The following MYBPC2 variants were observed in gnomAD, a reference collection of about 807,000 sequenced individuals.
MYBPC2 encodes myosin-binding protein C, fast-type.
MYBPC2 carries 122 observed loss-of-function variants against 137.0 expected under a neutral mutation model. The observed-to-expected ratio is 0.89, with a 90% CI of 0.77 to 1.03. The LOEUF (loss-of-function observed/expected upper bound fraction) is 1.03. MYBPC2 is among the 50% of genes least tolerant of loss of function. The pLI is 0.00. For synonymous variants in MYBPC2, 626 were observed against 612.3 expected (o/e 1.02, Z -0.33); for missense variants, 1,500 against 1,534.4 (o/e 0.98, Z 0.37).
In MYBPC2 at chr19:50,450,886, T is replaced by C; in HGVS notation, c.1530T>C (p.Phe510=). ...CCGAGGATGAGGGAGACTACACGTT[T>C]GTGCCTGACGGCTACGCCCTGTCGC... ...VRPEDEGDYT[F]VPDGYALSLS... Residue 510 remains phenylalanine (F), a synonymous_variant, in exon 14 of 28, where the codon TTT becomes TTC. Transcript: ENST00000357701. 6.3e-7 allele frequency: 1 copy of C among 1,580,450 alleles called. No homozygotes were observed. Among genetic ancestry groups the C allele is most frequent in the East Asian group, 2.3e-5 (1 of 42,872 alleles).
rs1301768542 is a variant in MYBPC2, at chr19:50,448,350, G to A, written c.1432G>A (p.Val478Met). Residue 478 changes from valine (V) to methionine (M), a missense_variant, in exon 13 of 28, where the codon GTG becomes ATG. Coordinates refer to ENST00000357701, the MANE Select transcript of MYBPC2 (RefSeq NM_004533.4). ...TGKWYKNGVE[V>M]RPSKRITISH... ...CAAGTGGTATAAGAATGGGGTCGAG[G>A]TGCGGCCCAGCAAGAGGATCACCAT... is the stretch of plus-strand genomic sequence containing the variant. 5 of 1,613,738 alleles carry A rather than the reference G, an allele frequency of 3.1e-6. No individual in the cohort carries two copies. Among genetic ancestry groups the A allele is most frequent in the South Asian group, 1.1e-5 (1 of 91,078 alleles).
chr19:50,434,897 G>C (rs992038124), intron 1 of MYBPC2, among the ~76,000 whole-genome samples: 1 of 152,166 alleles, frequency 6.6e-6, no homozygotes, highest in Non-Finnish European at 1.5e-5. Flanking sequence ...GGATGGGGCA[G>C]GGCCTGCTGG....
At chr19:50,463,681 G>A (rs1273834905) in intron 26 of MYBPC2, among the ~76,000 whole-genome samples, 2 of 152,168 alleles carry the variant, frequency 1.3e-5, no homozygotes, top group Non-Finnish European at 2.9e-5. Context: ...GCTCACACCT[G>A]TAATCCCAGC....
At position 50,449,507 on chromosome 19, in the gene MYBPC2, G is replaced by A. The variant is rs545703377; in HGVS notation, c.1472+1117G>A. On this transcript the variant is annotated intron_variant, in intron 13 of 27. Coordinates refer to ENST00000357701, the MANE Select transcript of MYBPC2 (RefSeq NM_004533.4). ...CCCAATGCCACTTCCGCCATAGTCTGTTGGGCAAGGAAAGTCCCAGGCCAG... is the reference window on the plus strand; with the variant it reads ...CCCAATGCCACTTCCGCCATAGTCTATTGGGCAAGGAAAGTCCCAGGCCAG... 5.9e-4 allele frequency among the ~76,000 whole-genome samples: 90 copies of A among 152,368 alleles called. 1 individual carries two copies. Among genetic ancestry groups the A allele is most frequent in the African/African-American group, 2.0e-3 (84 of 41,598 alleles).
intron 20 of MYBPC2, among the ~76,000 whole-genome samples, chr19:50,456,435 C>CTCT (rs1555797770): frequency 2.3e-5 from 3 of 132,416 alleles, no homozygotes; most frequent in East Asian, 2.2e-4. Flanking sequence ...CTCTCTCTCT[C>CTCT]TTTTTTTTTT....
intron 7 of MYBPC2, among the ~76,000 whole-genome samples, chr19:50,439,751 G>A (rs1352761361): frequency 6.6e-6 from 1 of 152,242 alleles, no homozygotes; most frequent in Non-Finnish European, 1.5e-5. Flanking sequence ...ATTGCCTTGG[G>A]AAATGGGTCT....
chr19:50,444,329 TCCA>T, intron 11 of MYBPC2, among the ~76,000 whole-genome samples: 1 of 140,778 alleles, frequency 7.1e-6, no homozygotes, highest in Admixed American at 7.3e-5. Context: ...CATCCATCCA[TCCA>T]TCCATCCCAT....
Position 50,435,292 on chromosome 19 carries a change from A to C in MYBPC2, c.109+42A>C, listed in dbSNP as rs895262163. 2.0e-5 allele frequency: 15 copies of C among 741,354 alleles called. No individual in the cohort carries two copies. The highest frequency in any genetic ancestry group is 3.5e-5 in the African/African-American group (2 of 57,612). 45.9% of individuals were successfully genotyped at this position (741,354 alleles called of 1,614,324 possible). On this transcript the variant is annotated intron_variant, in intron 2 of 27. Coordinates refer to ENST00000357701, the MANE Select transcript of MYBPC2 (RefSeq NM_004533.4). The surrounding 1 kb of genome is among the most constrained non-coding windows in gnomAD (Gnocchi z 4.8). ...TCGGGCTCAACCGACCTGGCTTCTC[A>C]TCTCCATCCTCCTCGCTACGCCTCT...
rs375639142 is a variant in MYBPC2, at chr19:50,466,160, G to A, written c.3416-35G>A. On this transcript the variant is annotated intron_variant, in intron 27 of 27. Transcript: ENST00000357701. This position sits in a 1 kb window ranked among gnomAD's most constrained non-coding sequence, Gnocchi z 4.9. ...TGGGGCTTCAGGAGGAGGCGTGCCCGGGCCTGGCTCACCCGCTTTCTCGTT... is the reference window on the plus strand; with the variant it reads ...TGGGGCTTCAGGAGGAGGCGTGCCCAGGCCTGGCTCACCCGCTTTCTCGTT... 43 of 1,613,164 alleles carry A rather than the reference G, an allele frequency of 2.7e-5. No homozygotes were observed. Among genetic ancestry groups the A allele is most frequent in the Non-Finnish European group, 3.0e-5 (35 of 1,179,820 alleles).
At chr19:50,453,424 G>A (rs1045438932) in intron 16 of MYBPC2, among the ~76,000 whole-genome samples, 2 of 152,234 alleles carry the variant, frequency 1.3e-5, no homozygotes, top group African/African-American at 4.8e-5. Flanking sequence ...TGTCTTCTGG[G>A]TGCTTCCTGA....
chr19:50,462,960 G>A (rs905207828), intron 26 of MYBPC2, among the ~76,000 whole-genome samples: 2 of 152,200 alleles, frequency 1.3e-5, no homozygotes, highest in African/African-American at 4.8e-5. Flanking sequence ...CCAGTCCCAT[G>A]GAAAAAGAAA....
At position 50,462,133 on chromosome 19, in the gene MYBPC2, C is replaced by T. The variant is rs115483200; in HGVS notation, c.3228+97C>T. 5.5e-3 allele frequency: 7,803 copies of T among 1,431,006 alleles called. 353 individuals are homozygous for T. In the African/African-American group the frequency reaches 0.098, roughly 18 times the overall value. 88.6% of individuals were successfully genotyped at this position (1,431,006 alleles called of 1,614,324 possible). A position where few individuals can be genotyped will look rare whatever the true frequency, so the allele number is the denominator to read the frequency against. The stretch of plus-strand genomic sequence containing the variant: ...CCCCATCACGCCAGTTCTTCTTCCC[C>T]GAGTTCTCTGTCTCAAGGGATTTAG... On this transcript the variant is annotated intron_variant, in intron 26 of 27. Coordinates refer to ENST00000357701, the MANE Select transcript of MYBPC2 (RefSeq NM_004533.4).
Position 50,448,383 on chromosome 19 carries a change from G to A in MYBPC2, c.1465G>A (p.Val489Ile), listed in dbSNP as rs34051416. The change falls in exon 13 of 28, where the codon GTA becomes ATA. Residue 489 changes from valine (V) to isoleucine (I), a missense_variant. Val to Ile is a conservative substitution (Grantham distance 29, BLOSUM62 3). Transcript: ENST00000357701. Reference sequence around the variant, plus strand: ...CAGCAAGAGGATCACCATTTCCCATGTAGGCAGGTGAGGAGTGGGCTGCAG... The same window carrying A: ...CAGCAAGAGGATCACCATTTCCCATATAGGCAGGTGAGGAGTGGGCTGCAG... ...RPSKRITISHVGRFHKLVIDD... is the reference protein window; with the variant it reads ...RPSKRITISHIGRFHKLVIDD... 0.015 allele frequency: 24,397 copies of A among 1,613,466 alleles called. 214 individuals carry two copies. Among genetic ancestry groups the A allele is most frequent in the Middle Eastern group, 0.021 (128 of 6,060 alleles).
rs150831357 is a variant in MYBPC2 at position 50,461,554 on chromosome 19, G to A, written c.2944G>A (p.Val982Ile). Residue 982 changes from valine to isoleucine, a missense_variant, in exon 25 of 28, where the codon GTC becomes ATC. Transcript: ENST00000357701. ...GTCCCCACACTAGGAGTGGTTCAAC[G>A]TCTATGAACGTAACAGGCACACTAG... Reference protein sequence around the residue: ...ADKKTMEWFNVYERNRHTSCT... With the variant: ...ADKKTMEWFNIYERNRHTSCT... The A allele has an allele frequency of 8.6e-4, 1,384 of 1,613,388 alleles. 10 individuals carry two copies. In the African/African-American group the frequency reaches 0.016, roughly 19 times the overall value.
At chr19:50,440,360 A>AAATAAATAAATG (rs1347620577) in intron 7 of MYBPC2, among the ~76,000 whole-genome samples, 5 of 151,522 alleles carry the variant, frequency 3.3e-5, no homozygotes, top group South Asian at 2.1e-4. Flanking sequence ...ATAAATAAAT[A>AAATAAATAAATG]AATGAAAAGA....
In MYBPC2 at chr19:50,435,904, C is replaced by T. The variant is rs1254758189; in HGVS notation, c.196+42C>T. 1 of 1,553,852 alleles carries T rather than the reference C, an allele frequency of 6.4e-7. No homozygotes were observed. Among genetic ancestry groups the T allele is most frequent in the Non-Finnish European group, 8.7e-7 (1 of 1,146,308 alleles). On this transcript the variant is annotated intron_variant, in intron 3 of 27. Coordinates refer to ENST00000357701, the MANE Select transcript of MYBPC2 (RefSeq NM_004533.4). This position sits in a 1 kb window ranked among gnomAD's most constrained non-coding sequence, Gnocchi z 4.8. ...GGAGGAGGGGCTGCGGCCCGGACTC[C>T]TGGGTCTGAGGGAGGAGGGGCCAGG... is the stretch of plus-strand genomic sequence containing the variant.
rs1417866975 is a variant in MYBPC2 at position 50,458,770 on chromosome 19, C to T, written c.2506+16C>T. On this transcript the variant is annotated intron_variant, in intron 21 of 27. Transcript: ENST00000357701. ...GAGATTGCGGGTGCGTGGCCCCTGA[C>T]CCTGCGCTCCGAAAGACCAAGCTGG... 1.2e-6 allele frequency: 2 copies of T among 1,605,604 alleles called. No homozygotes were observed. Among genetic ancestry groups the T allele is most frequent in the Non-Finnish European group, 1.7e-6 (2 of 1,178,938 alleles).
intron 1 of MYBPC2, among the ~76,000 whole-genome samples, chr19:50,433,554 GC>G (rs2039676556): frequency 6.6e-6 from 1 of 152,046 alleles, no homozygotes; most frequent in African/African-American, 2.4e-5. Context: ...GCGCCACCAT[GC>G]CTGGCTATTT....
In MYBPC2 at chr19:50,461,536, C is replaced by T. The variant is rs1414952536; in HGVS notation, c.2932-6C>T. On this transcript the variant is annotated splice_region_variant and splice_polypyrimidine_tract_variant and intron_variant, in intron 24 of 27. Coordinates refer to ENST00000357701, the MANE Select transcript of MYBPC2 (RefSeq NM_004533.4). ...CCCGCCTGGTCCCTCCCTGTCCCCACACTAGGAGTGGTTCAACGTCTATGA... is the reference window on the plus strand; with the variant it reads ...CCCGCCTGGTCCCTCCCTGTCCCCATACTAGGAGTGGTTCAACGTCTATGA... 1.9e-6 allele frequency: 3 copies of T among 1,612,902 alleles called. No individual in the cohort carries two copies. The highest frequency in any genetic ancestry group is 4.5e-5 in the East Asian group (2 of 44,886).
Sources: allele counts gnomAD v4.1 joint callset (sites outside exome capture counted in the v4.1 genomes callset), GRCh38; gene constraint gnomAD v4.1.1; non-coding constraint Gnocchi (gnomAD v3.1); transcripts MANE v1.5; gene names NCBI Gene and HGNC (gene_info 2026-07-23, HGNC 2026-07-21).